Variants in GCLM observed in about 807,000 individuals in gnomAD.
GCLM encodes glutamate--cysteine ligase regulatory subunit.
GCLM carries 15 observed loss-of-function variants against 36.0 expected under a neutral mutation model. The ratio of observed to expected loss-of-function variants is 0.42; its 90% CI spans 0.28 to 0.64. The LOEUF (loss-of-function observed/expected upper bound fraction) is 0.64, where lower values mean the gene tolerates loss of function less well. Ranked by LOEUF, GCLM falls within the 30% of genes least tolerant of loss-of-function variation. The pLI is 0.25. For missense variants in GCLM, 242 were observed against 325.5 expected, an observed-to-expected ratio of 0.74 and a Z score of 1.97; for synonymous variants, 129 against 122.8, an observed-to-expected ratio of 1.05 and a Z score of -0.34.
At chr1:93,896,941 GATT>G in intron 4 of GCLM, 121 bp from the exon 5 acceptor site, 2 of 643,384 alleles carry the variant, frequency 3.1e-6, no homozygotes, top group Non-Finnish European at 5.5e-6. Context: ...CAAAATAACA[GATT>G]ATTTCATAGT....
rs1656381810 is a variant in GCLM, at chr1:93,887,904, A to G, written c.*1086T>C. The G allele has an allele frequency of 6.6e-6, 1 of 152,226 alleles. No individual in the cohort carries two copies. Among genetic ancestry groups the G allele is most frequent in the African/African-American group, 2.4e-5 (1 of 41,468 alleles). 9.4% of individuals were successfully genotyped at this position (152,226 alleles called of 1,614,324 possible). ...CAATTTTGTGGTTCGTAAACTAATG[A>G]AGAATTATACTAAATGACCTATATA... On this transcript the variant is annotated 3_prime_UTR_variant, in exon 7 of 7. Coordinates refer to ENST00000370238, the MANE Select transcript of GCLM (RefSeq NM_002061.4).
chr1:93,899,326 G>A (rs547467869), intron 3 of GCLM, among the ~76,000 whole-genome samples: 1 of 152,152 alleles, frequency 6.6e-6, no homozygotes, highest in Non-Finnish European at 1.5e-5. Flanking sequence ...CACCCGACTC[G>A]CCTCCCAAAG....
chr1:93,896,491 A>G lies in GCLM; in HGVS notation c.540+127T>C, dbSNP rs560889470. ...TCAAAACTCCTGCAGAAACAAAACA[A>G]AACTCCCACATGTGGAAAAGTCACC... On this transcript the variant is annotated intron_variant, in intron 5 of 6. Coordinates refer to ENST00000370238, the MANE Select transcript of GCLM (RefSeq NM_002061.4). 43 of 708,118 alleles carry G rather than the reference A, an allele frequency of 6.1e-5. No homozygotes were observed. In the East Asian group the frequency reaches 1.0e-3, roughly 17 times the overall value. 43.9% of individuals were successfully genotyped at this position (708,118 alleles called of 1,614,324 possible). A position where few individuals can be genotyped will look rare whatever the true frequency, so the allele number is the denominator to read the frequency against.
intron 1 of GCLM, among the ~76,000 whole-genome samples, chr1:93,906,793 G>C (rs1657160135): frequency 6.6e-6 from 1 of 152,034 alleles, no homozygotes; most frequent in African/African-American, 2.4e-5. Flanking sequence ...CTGAGTATAA[G>C]CATCACCACA....
Position 93,905,024 on chromosome 1 carries a change from A to T in GCLM, c.127-436T>A, listed in dbSNP as rs115205775. 1.8e-3 allele frequency among the ~76,000 whole-genome samples: 267 copies of T among 152,100 alleles called. 1 individual carries two copies. The highest frequency in any genetic ancestry group is 6.1e-3 in the African/African-American group (251 of 41,466). ...CCCTGTCTCTACTAAAAATACAAAAATCATGTGGGCCTAGTAGTGCAAGCC... is the reference window on the plus strand; with the variant it reads ...CCCTGTCTCTACTAAAAATACAAAATTCATGTGGGCCTAGTAGTGCAAGCC... On this transcript the variant is annotated intron_variant, in intron 1 of 6. Transcript: ENST00000370238.
chr1:93,894,798 G>A (rs1444181953), intron 5 of GCLM, 70 bp from the exon 6 acceptor site: 4 of 733,354 alleles, frequency 5.5e-6, no homozygotes, highest in Middle Eastern at 2.6e-4. Context: ...AAAGCAATAA[G>A]CAATAAAATA....
intron 3 of GCLM, among the ~76,000 whole-genome samples, chr1:93,899,229 A>G (rs1280116969): frequency 6.6e-6 from 1 of 151,920 alleles, no homozygotes. Context: ...CTGCGCCACC[A>G]TGCCTGGCTA....
chr1:93,889,910 A>G (rs1014794123), intron 6 of GCLM, among the ~76,000 whole-genome samples: 22 of 149,946 alleles, frequency 1.5e-4, no homozygotes, highest in Non-Finnish European at 1.9e-4. Context: ...TAAAAAATAT[A>G]TATATATATA....
intron 1 of GCLM, 138 bp downstream of exon 1, chr1:93,908,900 C>A: frequency 1.6e-6 from 1 of 644,866 alleles, no homozygotes; most frequent in Non-Finnish European, 2.3e-6. Flanking sequence ...GCCTCAGCAT[C>A]TGACCGCGGG....
chr1:93,904,506 A>G lies in GCLM; in HGVS notation c.192+17T>C, dbSNP rs1332688536. ...CCTTTTTGACCTGCATGATTTTTGCATTCACATTTCACTTACCCTGACCAA... is the reference window on the plus strand; with the variant it reads ...CCTTTTTGACCTGCATGATTTTTGCGTTCACATTTCACTTACCCTGACCAA... On this transcript the variant is annotated intron_variant, in intron 2 of 6. Coordinates refer to ENST00000370238, the MANE Select transcript of GCLM (RefSeq NM_002061.4). The G allele has an allele frequency of 5.2e-6, 8 of 1,535,398 alleles. No homozygotes were observed. Among genetic ancestry groups the G allele is most frequent in the Non-Finnish European group, 6.3e-6 (7 of 1,109,050 alleles).
At chr1:93,893,369 C>T (rs17883701) in intron 6 of GCLM, among the ~76,000 whole-genome samples, 41 of 152,302 alleles carry the variant, frequency 2.7e-4, no homozygotes, top group Admixed American at 2.7e-3. Context: ...AAAACTCTTT[C>T]TCCTCCATCT....
In GCLM at chr1:93,886,792, C is replaced by G. The variant is rs2100899571; in HGVS notation, c.*2198G>C. 6.6e-6 allele frequency: 1 copy of G among 152,012 alleles called. No homozygotes were observed. The highest frequency in any genetic ancestry group is 3.4e-3 in the Middle Eastern group (1 of 294). 9.4% of individuals were successfully genotyped at this position (152,012 alleles called of 1,614,324 possible). A position where few individuals can be genotyped will look rare whatever the true frequency, so the allele number is the denominator to read the frequency against. ...AAAGTTCCCTCTTAAAATATCTTGG[C>G]CAGTTCACTGTATAGATTTAAAATA... On this transcript the variant is annotated 3_prime_UTR_variant, in exon 7 of 7. Coordinates refer to ENST00000370238, the MANE Select transcript of GCLM (RefSeq NM_002061.4).
chr1:93,888,884 A>T lies in GCLM; in HGVS notation c.*106T>A. The T allele has an allele frequency of 2.9e-6, 2 of 695,914 alleles. No homozygotes were observed. Among genetic ancestry groups the T allele is most frequent in the South Asian group, 4.8e-5 (2 of 41,318 alleles). 43.1% of individuals were successfully genotyped at this position (695,914 alleles called of 1,614,324 possible). The stretch of plus-strand genomic sequence containing the variant: ...ACATACTGTCAAATATGACGAAAGA[A>T]TATCTGCCTCAATGACACCATTTAC... On this transcript the variant is annotated 3_prime_UTR_variant, in exon 7 of 7. Coordinates refer to ENST00000370238, the MANE Select transcript of GCLM (RefSeq NM_002061.4).
intron 6 of GCLM, among the ~76,000 whole-genome samples, chr1:93,889,896 T>A (rs1310363330): frequency 6.6e-6 from 1 of 150,682 alleles, no homozygotes; most frequent in Non-Finnish European, 1.5e-5. Flanking sequence ...AAACATTCTT[T>A]TTTTAAAAAA....
chr1:93,904,319 T>A, intron 2 of GCLM: 1 of 542,698 alleles, frequency 1.8e-6, no homozygotes, highest in African/African-American at 1.9e-5. Flanking sequence ...TAGTATCTTG[T>A]CTGGTTAAAG....
rs1011624350 is a variant in GCLM, at chr1:93,888,033, ATT to A, written c.*955_*956del. On this transcript the variant is annotated 3_prime_UTR_variant, in exon 7 of 7. Transcript: ENST00000370238. ...AGATAATGTCGGCCCTGAATTAAGG[ATT>A]TTTTTTTCATCCCCTTTCTGGCTTT... 6 of 151,588 alleles carry A rather than the reference ATT, an allele frequency of 4.0e-5. No homozygotes were observed. The East Asian group carries it at 9.6e-4, about 24-fold the overall frequency. 9.4% of individuals were successfully genotyped at this position (151,588 alleles called of 1,614,324 possible).
At chr1:93,898,303 G>GGAAAA (rs1280846874) in intron 3 of GCLM, among the ~76,000 whole-genome samples, 1 of 16,442 alleles carries the variant, frequency 6.1e-5, no homozygotes. Context: ...GAAGAAAACT[G>GGAAAA]AAAAAAAAAA....
At chr1:93,896,194 C>T (rs544119387) in intron 5 of GCLM, among the ~76,000 whole-genome samples, 1 of 152,044 alleles carries the variant, frequency 6.6e-6, no homozygotes, top group African/African-American at 2.4e-5. Context: ...AACTCCTGAC[C>T]TCATGATCTG....
Position 93,894,693 on chromosome 1 carries a change from G to C in GCLM, c.576C>G (p.Ser192=), listed in dbSNP as rs763622368. The change falls in exon 6 of 7, where the codon TCC becomes TCG. Residue 192 remains serine (S), a synonymous_variant. Coordinates refer to ENST00000370238, the MANE Select transcript of GCLM (RefSeq NM_002061.4). ...TCAAATCTGGTGGCATCACACAGCA[G>C]GAGGCAAGATTAACTTGGTTACTAT... ...KPNSNQVNLA[S]CCVMPPDLTA... 1.2e-6 allele frequency: 2 copies of C among 1,610,232 alleles called. No individual in the cohort carries two copies. The highest frequency in any genetic ancestry group is 1.7e-6 in the Non-Finnish European group (2 of 1,176,656).
Sources: gnomAD v4.1 joint callset for allele counts (sites outside exome capture counted in the v4.1 genomes callset) on GRCh38, gnomAD v4.1.1 for gene constraint, MANE v1.5 for transcripts, NCBI Gene and HGNC (gene_info 2026-07-23, HGNC 2026-07-21) for gene names.